Variants in EP400 observed in about 807,000 individuals in gnomAD.
EP400 encodes E1A binding protein p400.
In EP400, 105 loss-of-function variants were observed where a neutral mutation model predicts 354.1. That is an observed-to-expected ratio of 0.30 (90% CI 0.25 to 0.35). EP400 has a LOEUF of 0.35. EP400 is among the 10% of genes least tolerant of loss of function. The pLI is 1.00. For synonymous variants in EP400, 1,646 were observed against 1,716.9 expected (o/e 0.96, Z 1.02); for missense variants, 3,280 against 4,121.0 (o/e 0.80, Z 5.59).
At chr12:131,972,545 A>G (rs1467428886) in intron 2 of EP400, among the ~76,000 whole-genome samples, 1 of 152,058 alleles carries the variant, frequency 6.6e-6, no homozygotes, top group Non-Finnish European at 1.5e-5. Flanking sequence ...ATATGTACTA[A>G]TTTCTGTTTC....
intron 34 of EP400, among the ~76,000 whole-genome samples, 200 bp downstream of exon 34, chr12:132,043,928 G>T (rs1894997207): frequency 6.6e-6 from 1 of 152,172 alleles, no homozygotes; most frequent in African/African-American, 2.4e-5. Flanking sequence ...AGGGACCATG[G>T]GGCTTGTTCT....
At chr12:132,015,458 G>A (rs1180252444) in intron 19 of EP400, among the ~76,000 whole-genome samples, 2 of 152,240 alleles carry the variant, frequency 1.3e-5, no homozygotes, top group South Asian at 2.1e-4. Context: ...CAGGTTTTGA[G>A]CGCCAGCCTA....
intron 30 of EP400, among the ~76,000 whole-genome samples, chr12:132,032,807 T>C (rs896980957): frequency 1.3e-5 from 2 of 152,062 alleles, no homozygotes; most frequent in Non-Finnish European, 1.5e-5. Context: ...GTTTTTGTAT[T>C]TTTAGTAGAG....
At chr12:132,055,758 G>A (rs531223160) in intron 45 of EP400, among the ~76,000 whole-genome samples, 180 of 151,392 alleles carry the variant, frequency 1.2e-3, no homozygotes, top group Middle Eastern at 6.8e-3. Flanking sequence ...GAGGGTATGT[G>A]TGTGTGTGTG....
chr12:131,950,917 T>C (rs1425370969), intron 1 of EP400, among the ~76,000 whole-genome samples: 1 of 152,062 alleles, frequency 6.6e-6, no homozygotes, highest in Non-Finnish European at 1.5e-5. Flanking sequence ...TATTTTCTTT[T>C]GAGAAAGAGT....
intron 1 of EP400, among the ~76,000 whole-genome samples, chr12:131,956,357 A>G (rs1891699161): frequency 6.6e-6 from 1 of 152,160 alleles, no homozygotes; most frequent in Admixed American, 6.6e-5. Context: ...TGATTGTGTT[A>G]TGCAATTGGT....
intron 2 of EP400, among the ~76,000 whole-genome samples, chr12:131,966,772 C>T (rs1276575244): frequency 2.6e-5 from 4 of 151,000 alleles, no homozygotes; most frequent in African/African-American, 4.9e-5. Context: ...GGCATGGTGG[C>T]GGGCACCTGT....
At chr12:132,045,295 G>A (rs1391337102) in intron 37 of EP400, 24 bp from the exon 38 acceptor site, 3 of 1,612,824 alleles carry the variant, frequency 1.9e-6, no homozygotes, top group Non-Finnish European at 2.5e-6. Flanking sequence ...TTACTCTCTT[G>A]CTGAAGACTG....
intron 12 of EP400, among the ~76,000 whole-genome samples, chr12:132,001,238 A>G (rs1047121758): frequency 2.6e-5 from 4 of 152,144 alleles, no homozygotes; most frequent in Non-Finnish European, 5.9e-5. Flanking sequence ...TATTGGATAC[A>G]AAGCAAAAGG....
At chr12:131,991,244 G>GT (rs1000156476) in intron 9 of EP400, among the ~76,000 whole-genome samples, 163 bp from the exon 10 acceptor site, 1 of 152,196 alleles carries the variant, frequency 6.6e-6, no homozygotes, top group African/African-American at 2.4e-5. Flanking sequence ...CCACAAGTTA[G>GT]TAAAAACCAC....
At position 131,961,781 on chromosome 12, in the gene EP400, A is replaced by G; in HGVS notation, c.1162A>G (p.Ile388Val). ...ALKEVFKEYLIELFFLQHFQG... is the reference protein window; with the variant it reads ...ALKEVFKEYLVELFFLQHFQG... ...GAAGGAGGTCTTCAAGGAGTATTTG[A>G]TTGAACTGTTTTTCTTGCAACACTT... The change falls in exon 2 of 53, where the codon ATT (isoleucine) becomes GTT (valine). Residue 388 changes from isoleucine to valine, a missense_variant. This residue lies in a region of EP400 where 85 missense variants were observed against 180.3 expected (regional missense o/e 0.47). Coordinates refer to ENST00000389561, the MANE Select transcript of EP400 (RefSeq NM_015409.5). 1.9e-6 allele frequency: 3 copies of G among 1,614,226 alleles called. No homozygotes were observed. Among genetic ancestry groups the G allele is most frequent in the Non-Finnish European group, 2.5e-6 (3 of 1,180,034 alleles).
chr12:132,064,625 GCA>G (rs754410035), intron 47 of EP400, 41 bp from the exon 48 acceptor site: 11 of 1,592,364 alleles, frequency 6.9e-6, no homozygotes, highest in Non-Finnish European at 9.4e-6. Flanking sequence ...AAAGAATGGA[GCA>G]CAGTTAATGT....
Position 132,050,798 on chromosome 12 carries a change from G to GA in EP400, c.7394+144dup. The GA allele has an allele frequency of 1.0e-6, 1 of 996,408 alleles. No homozygotes were observed. The highest frequency in any genetic ancestry group is 1.5e-6 in the Non-Finnish European group (1 of 648,012). 61.7% of individuals were successfully genotyped at this position (996,408 alleles called of 1,614,324 possible). A position where few individuals can be genotyped will look rare whatever the true frequency, so the allele number is the denominator to read the frequency against. Reference sequence around the variant, plus strand: ...ACGTGGCAGTGCGCAGAACCTGCAGGAGAGAGGTGCTTTTCCTGCCGTGGG... The same window carrying GA: ...ACGTGGCAGTGCGCAGAACCTGCAGGAAGAGAGGTGCTTTTCCTGCCGTGGG... On this transcript the variant is annotated intron_variant, in intron 41 of 52. Coordinates refer to ENST00000389561, the MANE Select transcript of EP400 (RefSeq NM_015409.5). This position sits in a 1 kb window ranked among gnomAD's most constrained non-coding sequence, Gnocchi z 4.8.
chr12:132,043,635 T>C lies in EP400; in HGVS notation c.6367-10T>C, dbSNP rs1894987339. 1.2e-6 allele frequency: 2 copies of C among 1,602,042 alleles called. No homozygotes were observed. Among genetic ancestry groups the C allele is most frequent in the South Asian group, 2.3e-5 (2 of 87,538 alleles). ...ATTAACCCTATTCAAAAAATATACT[T>C]TTGGAACAGCTTACACCAATTGAAA... On this transcript the variant is annotated splice_polypyrimidine_tract_variant and intron_variant, in intron 33 of 52. Coordinates refer to ENST00000389561, the MANE Select transcript of EP400 (RefSeq NM_015409.5).
chr12:132,077,452 G>A lies in EP400; in HGVS notation c.9151G>A (p.Val3051Met), dbSNP rs1318873009. 2 of 1,613,136 alleles carry A rather than the reference G, an allele frequency of 1.2e-6. No individual in the cohort carries two copies. Among genetic ancestry groups the A allele is most frequent in the South Asian group, 1.1e-5 (1 of 91,074 alleles). ...LTQATAAGQQ[V>M]QMIPAVTATA... ...GCAGGCGACGGCGGCCGGGCAGCAG[G>A]TGCAGATGATCCCTGCAGTGACCGC... is the stretch of plus-strand genomic sequence containing the variant. Residue 3051 changes from valine to methionine, a missense_variant, in exon 53 of 53, where the codon GTG becomes ATG. Val to Met is a conservative substitution (Grantham distance 21). Transcript: ENST00000389561.
chr12:132,066,787 C>T lies in EP400; in HGVS notation c.8567C>T (p.Thr2856Ile). 2.5e-6 allele frequency: 4 copies of T among 1,613,978 alleles called. No homozygotes were observed. The highest frequency in any genetic ancestry group is 1.3e-5 in the African/African-American group (1 of 75,060). Residue 2856 changes from threonine (T) to isoleucine (I), a missense_variant, in exon 49 of 53, where the codon ACT becomes ATT. Thr to Ile is a moderately conservative substitution (Grantham distance 89). Around this residue, in one of 20 missense-constraint regions of EP400, gnomAD observed 279 missense variants for 386.7 expected, o/e 0.72. Coordinates refer to ENST00000389561, the MANE Select transcript of EP400 (RefSeq NM_015409.5). ...TCTACTGTTTAGACCCGGGTTCCCA[C>T]TTCTCAGCTGCAGGCGCAAGGGCAG... ...LQVARLTRVP[T>I]SQLQAQGQMQ...
chr12:132,061,781 C>T (rs942911347), intron 45 of EP400, among the ~76,000 whole-genome samples: 1 of 152,210 alleles, frequency 6.6e-6, no homozygotes, highest in African/African-American at 2.4e-5. Flanking sequence ...GCATGGGTGC[C>T]TCAAGGACAG....
chr12:132,015,181 CTG>C (rs752072871), intron 19 of EP400, among the ~76,000 whole-genome samples: 2 of 152,372 alleles, frequency 1.3e-5, no homozygotes, highest in Admixed American at 6.5e-5. Flanking sequence ...TGCATGATGA[CTG>C]TGGAATTTCT....
intron 33 of EP400, 80 bp from the exon 34 acceptor site, chr12:132,043,565 T>G (rs1348395720): frequency 2.2e-5 from 35 of 1,576,332 alleles, no homozygotes; most frequent in Non-Finnish European, 2.9e-5. Flanking sequence ...GATTCAAATG[T>G]TGGTTAGTGG....
Sources: gnomAD v4.1 joint callset for allele counts (sites outside exome capture counted in the v4.1 genomes callset) on GRCh38, gnomAD v4.1.1 for gene constraint, gnomAD v4.1.1 regional missense constraint, Gnocchi (gnomAD v3.1) non-coding constraint, MANE v1.5 for transcripts, NCBI Gene and HGNC (gene_info 2026-07-23, HGNC 2026-07-21) for gene names.